Variants in NIT2 observed in about 807,000 individuals in gnomAD.
NIT2 encodes nitrilase family member 2.
Under a neutral mutation model 42.7 loss-of-function variants are expected in NIT2, and 46 were observed. The observed-to-expected ratio is 1.08, with a 90% CI of 0.85 to 1.38. The LOEUF is 1.38. Among genes scored for constraint, NIT2 ranks in the 40% most tolerant of loss-of-function variants. The pLI, the probability that NIT2 is intolerant of heterozygous loss-of-function variation, is 0.00. For synonymous variants in NIT2, 123 were observed against 121.9 expected (o/e 1.01, Z -0.06); for missense variants, 309 against 342.5 (o/e 0.90, Z 0.77).
At chr3:100,354,652 C>T (rs747927776) in intron 8 of NIT2, 120 bp from the exon 9 acceptor site, 43 of 637,176 alleles carry the variant, frequency 6.7e-5, no homozygotes, top group Admixed American at 1.1e-4. Flanking sequence ...GTACGACTAC[C>T]TTCTTGTTTT....
chr3:100,342,177 A>G (rs188764678), intron 4 of NIT2, among the ~76,000 whole-genome samples: 55 of 152,230 alleles, frequency 3.6e-4, no homozygotes, highest in Admixed American at 3.4e-3. Context: ...TGCTATCACT[A>G]TAGCCACTCC....
chr3:100,345,768 C>T (rs1188700038), intron 5 of NIT2, 90 bp downstream of exon 5: 9 of 795,322 alleles, frequency 1.1e-5, no homozygotes, highest in Admixed American at 4.3e-5. Flanking sequence ...GATTTCTTCA[C>T]ATAACCTAAC....
intron 1 of NIT2, among the ~76,000 whole-genome samples, chr3:100,335,282 C>A (rs1706055482): frequency 6.6e-6 from 1 of 152,214 alleles, no homozygotes; most frequent in Non-Finnish European, 1.5e-5. Flanking sequence ...GTGCAGCTTT[C>A]CCCCTGCAAG....
chr3:100,359,328 T>C lies in NIT2; in HGVS notation c.*4060T>C, dbSNP rs1706352115. 6.6e-6 allele frequency: 1 copy of C among 152,220 alleles called. No individual in the cohort carries two copies. The highest frequency in any genetic ancestry group is 2.4e-5 in the African/African-American group (1 of 41,456). The allele number at this position is 152,220 out of a possible 1,614,324, so 9.4% of individuals were successfully genotyped here. On this transcript the variant is annotated 3_prime_UTR_variant, in exon 10 of 10. Transcript: ENST00000394140. ...TGAAGCATATTGAATCCTCCAAGTATATCCCGTTGTGCTAACTAGGCTTTA... is the reference window on the plus strand; with the variant it reads ...TGAAGCATATTGAATCCTCCAAGTACATCCCGTTGTGCTAACTAGGCTTTA...
At chr3:100,352,301 C>A in intron 7 of NIT2, 103 bp from the exon 8 acceptor site, 1 of 839,582 alleles carries the variant, frequency 1.2e-6, no homozygotes, top group Non-Finnish European at 1.9e-6. Flanking sequence ...TCTGAGTTAG[C>A]CTGAACTATC....
At chr3:100,349,713 C>T (rs1345588141) in intron 7 of NIT2, 1 of 152,296 alleles carries the variant, frequency 6.6e-6, no homozygotes, top group Non-Finnish European at 1.5e-5. Context: ...GGTACTGTGC[C>T]AAGAAACTCA....
rs1288036252 is a variant in NIT2 at position 100,361,586 on chromosome 3, TTTGTG to T, written c.*6319_*6323del. The T allele has an allele frequency of 6.6e-6, 1 of 152,188 alleles. No homozygotes were observed. Among genetic ancestry groups the T allele is most frequent in the Non-Finnish European group, 1.5e-5 (1 of 68,040 alleles). The allele number at this position is 152,188 out of a possible 1,614,324, so 9.4% of individuals were successfully genotyped here. On this transcript the variant is annotated 3_prime_UTR_variant, in exon 10 of 10. Coordinates refer to ENST00000394140, the MANE Select transcript of NIT2 (RefSeq NM_020202.5). ...CTATAGCTGTCAACTCCTAATATGA[TTTGTG>T]CACTATCACCTTGAAGTAAACCAGA...
chr3:100,353,017 C>T (rs1706289927), intron 8 of NIT2, among the ~76,000 whole-genome samples: 1 of 152,206 alleles, frequency 6.6e-6, no homozygotes, highest in African/African-American at 2.4e-5. Flanking sequence ...TAAGCCTGCC[C>T]AGACAGAATT....
intron 6 of NIT2, among the ~76,000 whole-genome samples, chr3:100,348,293 G>A (rs1376875003): frequency 1.3e-5 from 2 of 152,140 alleles, no homozygotes; most frequent in East Asian, 1.9e-4. Flanking sequence ...CACCAAATAC[G>A]GGTGTTCCAG....
chr3:100,339,883 C>G lies in NIT2; in HGVS notation c.195C>G (p.Ser65=). ...ATGCAGAGAAAATTCCTGGTGAATC[C>G]ACACAGAAGCTTTCTGAAGTAGCAA... ...PEYAEKIPGE[S]TQKLSEVAKE... The change falls in exon 3 of 10, where the codon TCC becomes TCG. Residue 65 remains serine, a synonymous_variant. Coordinates refer to ENST00000394140, the MANE Select transcript of NIT2 (RefSeq NM_020202.5). The G allele has an allele frequency of 6.2e-7, 1 of 1,613,422 alleles. No individual in the cohort carries two copies. Among genetic ancestry groups the G allele is most frequent in the Non-Finnish European group, 8.5e-7 (1 of 1,179,556 alleles).
intron 7 of NIT2, chr3:100,349,697 CCT>C (rs1276591279): frequency 2.0e-5 from 3 of 152,290 alleles, no homozygotes; most frequent in Non-Finnish European, 4.4e-5. Flanking sequence ...TCCTACTAGT[CCT>C]GAGGGTACTG....
chr3:100,345,080 G>T (rs1044342424), intron 4 of NIT2, among the ~76,000 whole-genome samples: 2 of 150,996 alleles, frequency 1.3e-5, no homozygotes, highest in African/African-American at 2.4e-5. Flanking sequence ...TCAGCCTCCT[G>T]GGTAGCTGGG....
Position 100,352,489 on chromosome 3 carries a change from G to C in NIT2, c.670G>C (p.Val224Leu). Reference sequence around the variant, plus strand: ...CTATGTTGCCTGGGGACACAGCACCGTGGTGAACCCTTGGTGAGTAAGGCT... The same window carrying C: ...CTATGTTGCCTGGGGACACAGCACCCTGGTGAACCCTTGGTGAGTAAGGCT... ...ASYVAWGHST[V>L]VNPWGEVLAK... Residue 224 changes from valine to leucine, a missense_variant, in exon 8 of 10, where the codon GTG becomes CTG. Val to Leu is a conservative substitution (Grantham distance 32). Coordinates refer to ENST00000394140, the MANE Select transcript of NIT2 (RefSeq NM_020202.5). 6.2e-7 allele frequency: 1 copy of C among 1,612,686 alleles called. No individual in the cohort carries two copies. The highest frequency in any genetic ancestry group is 1.1e-5 in the South Asian group (1 of 91,068).
Position 100,354,930 on chromosome 3 carries a change from G to C in NIT2, c.739+103G>C, listed in dbSNP as rs1474208539. 9 of 971,548 alleles carry C rather than the reference G, an allele frequency of 9.3e-6. No individual in the cohort carries two copies. In the South Asian group the frequency reaches 1.4e-4, roughly 15 times the overall value. The allele number at this position is 971,548 out of a possible 1,614,324, so 60.2% of individuals were successfully genotyped here. The stretch of plus-strand genomic sequence containing the variant: ...CTGTCATTTGGAGGGGTTCCTTTAT[G>C]CCCCTTCTCATTGATCTCTGGGGAT... On this transcript the variant is annotated intron_variant, in intron 9 of 9. Coordinates refer to ENST00000394140, the MANE Select transcript of NIT2 (RefSeq NM_020202.5).
intron 6 of NIT2, among the ~76,000 whole-genome samples, chr3:100,348,190 C>T (rs550500800): frequency 1.3e-5 from 2 of 152,338 alleles, no homozygotes; most frequent in Admixed American, 1.3e-4. Flanking sequence ...GCGCACCCAC[C>T]GCCTTTATGA....
At chr3:100,342,143 T>A (rs1415518758) in intron 4 of NIT2, among the ~76,000 whole-genome samples, 1 of 152,214 alleles carries the variant, frequency 6.6e-6, no homozygotes, top group Admixed American at 6.5e-5. Flanking sequence ...GTAATACCTC[T>A]TGTCTTGAAT....
At chr3:100,348,963 T>C (rs2148883699) in intron 7 of NIT2, 82 bp downstream of exon 7, 1 of 1,149,780 alleles carries the variant, frequency 8.7e-7, no homozygotes, top group Non-Finnish European at 1.3e-6. Context: ...GTGCCAGCCT[T>C]CCTGATGTGG....
chr3:100,336,360 G>GT (rs1367065361), intron 1 of NIT2, among the ~76,000 whole-genome samples: 74 of 152,298 alleles, frequency 4.9e-4, no homozygotes, highest in African/African-American at 1.7e-3. Flanking sequence ...ACCTGTGGGT[G>GT]TTTCTCGTTA....
In NIT2 at chr3:100,348,862, G is replaced by A; in HGVS notation, c.565G>A (p.Glu189Lys). 2 of 1,613,964 alleles carry A rather than the reference G, an allele frequency of 1.2e-6. No individual in the cohort carries two copies. The highest frequency in any genetic ancestry group is 1.1e-5 in the South Asian group (1 of 91,066). The change falls in exon 7 of 10, where the codon GAG (glutamate) becomes AAG (lysine). Residue 189 changes from glutamate (E) to lysine (K), a missense_variant. By Grantham distance (56) the Glu-to-Lys change is moderately conservative. Transcript: ENST00000394140. Reference protein sequence around the residue: ...FNLTTGPAHWELLQRSRAVDN... With the variant: ...FNLTTGPAHWKLLQRSRAVDN... Reference sequence around the variant, plus strand: ...TCTGACCACTGGACCAGCCCATTGGGAGTTACTTCAGCGAAGCCGGTAAGA... The same window carrying A: ...TCTGACCACTGGACCAGCCCATTGGAAGTTACTTCAGCGAAGCCGGTAAGA...
Sources: gnomAD v4.1 joint callset for allele counts (sites outside exome capture counted in the v4.1 genomes callset) on GRCh38, gnomAD v4.1.1 for gene constraint, MANE v1.5 for transcripts, NCBI Gene and HGNC (gene_info 2026-07-23, HGNC 2026-07-21) for gene names.